ADAM9: variants seen among roughly 807,000 people sequenced by gnomAD.
ADAM9 encodes disintegrin and metalloproteinase domain-containing protein 9.
In ADAM9, 54 loss-of-function variants were observed where a neutral mutation model predicts 108.1. The observed-to-expected ratio is 0.50, with a 90% CI of 0.40 to 0.63. The LOEUF (loss-of-function observed/expected upper bound fraction) is 0.63. Ranked by LOEUF, ADAM9 falls within the 20% of genes least tolerant of loss-of-function variation. The pLI is 0.00. For synonymous variants in ADAM9, 316 were observed against 336.0 expected (o/e 0.94, Z 0.65); for missense variants, 830 against 997.7 (o/e 0.83, Z 2.26).
intron 1 of ADAM9, among the ~76,000 whole-genome samples, chr8:38,997,888 T>C (rs997904585): frequency 5.3e-5 from 8 of 152,252 alleles, no homozygotes; most frequent in African/African-American, 1.9e-4. Context: ...ATTGTAGGAA[T>C]TAAATCATTT....
chr8:39,026,021 G>T, intron 10 of ADAM9, 137 bp downstream of exon 10: 3 of 831,176 alleles, frequency 3.6e-6, no homozygotes, highest in Non-Finnish European at 6.0e-6. Flanking sequence ...GTCGCAGATG[G>T]GTTCTTTCCC....
At position 39,065,659 on chromosome 8, in the gene ADAM9, CAAAAA is replaced by C. The variant is rs33990237; in HGVS notation, c.1592-5620_1592-5616del. Reference sequence around the variant, plus strand: ...TGGGCGACAGTGCGAGGCTACATCTCAAAAAAAAAAAAAAAAAAAAAAAGGACATA... The same window carrying C: ...TGGGCGACAGTGCGAGGCTACATCTCAAAAAAAAAAAAAAAAAAGGACATA... On this transcript the variant is annotated intron_variant, in intron 14 of 21. Coordinates refer to ENST00000487273, the MANE Select transcript of ADAM9 (RefSeq NM_003816.3). 1.7e-3 allele frequency among the ~76,000 whole-genome samples: 125 copies of C among 72,868 alleles called. 1 individual carries two copies. The highest frequency in any genetic ancestry group is 8.8e-4 in the Non-Finnish European group (35 of 39,982). The allele number at this position is 72,868 out of a possible 152,430, so 47.8% of individuals were successfully genotyped here.
chr8:39,017,818 C>T (rs1237555298), intron 6 of ADAM9, among the ~76,000 whole-genome samples: 2 of 152,126 alleles, frequency 1.3e-5, no homozygotes, highest in African/African-American at 2.4e-5. Context: ...GTCTTGAACC[C>T]CTGGTATCAA....
chr8:39,055,183 A>G (rs1188622548), intron 13 of ADAM9, among the ~76,000 whole-genome samples: 2 of 152,178 alleles, frequency 1.3e-5, no homozygotes, highest in Non-Finnish European at 2.9e-5. Flanking sequence ...CAGAATATTC[A>G]TACTAAGTTT....
At position 39,021,623 on chromosome 8, in the gene ADAM9, C is replaced by T. The variant is rs745799287; in HGVS notation, c.673-20C>T. ...TTAAAGTACTTTGGTGATAATGATT[C>T]TCCTTCTTTGCTTTTCCAGTATGAC... On this transcript the variant is annotated intron_variant, in intron 7 of 21. Coordinates refer to ENST00000487273, the MANE Select transcript of ADAM9 (RefSeq NM_003816.3). 68 of 1,607,298 alleles carry T rather than the reference C, an allele frequency of 4.2e-5. No homozygotes were observed. Among genetic ancestry groups the T allele is most frequent in the Admixed American group, 2.0e-4 (12 of 59,988 alleles).
At chr8:39,034,664 A>G (rs1371330835) in intron 11 of ADAM9, among the ~76,000 whole-genome samples, 1 of 152,188 alleles carries the variant, frequency 6.6e-6, no homozygotes, top group Non-Finnish European at 1.5e-5. Context: ...ATCGTAGATC[A>G]TCAGTTATTT....
intron 11 of ADAM9, among the ~76,000 whole-genome samples, chr8:39,034,891 A>G (rs1189721623): frequency 1.3e-5 from 2 of 152,184 alleles, no homozygotes; most frequent in Admixed American, 6.5e-5. Flanking sequence ...TATGTTATGT[A>G]TATATAACAC....
intron 20 of ADAM9, among the ~76,000 whole-genome samples, 188 bp downstream of exon 20, chr8:39,091,534 G>T (rs1300640593): frequency 6.6e-6 from 1 of 152,110 alleles, no homozygotes; most frequent in African/African-American, 2.4e-5. Flanking sequence ...GTTGCCCGGG[G>T]TGGAGTACTG....
chr8:39,069,909 A>G (rs2129441134), intron 14 of ADAM9, among the ~76,000 whole-genome samples: 1 of 151,052 alleles, frequency 6.6e-6, no homozygotes, highest in East Asian at 1.9e-4. Flanking sequence ...CAAAAATGGT[A>G]TCATATTGAC....
chr8:39,043,656 T>TAA (rs1210233393), intron 12 of ADAM9, among the ~76,000 whole-genome samples: 1 of 152,178 alleles, frequency 6.6e-6, no homozygotes, highest in Non-Finnish European at 1.5e-5. Context: ...TTAGGGGATG[T>TAA]AAATGCAGAT....
chr8:39,052,997 G>A (rs995324885), intron 12 of ADAM9, among the ~76,000 whole-genome samples: 5 of 151,988 alleles, frequency 3.3e-5, no homozygotes, highest in East Asian at 1.9e-4. Flanking sequence ...CCAATACTTC[G>A]TGTGGTCAGT....
intron 12 of ADAM9, among the ~76,000 whole-genome samples, chr8:39,049,279 A>G (rs901522046): frequency 1.3e-5 from 2 of 151,892 alleles, no homozygotes; most frequent in African/African-American, 2.4e-5. Flanking sequence ...TAGAGCGTGC[A>G]TAAAATATCT....
chr8:39,071,557 C>A (rs962102755), intron 15 of ADAM9, among the ~76,000 whole-genome samples, 154 bp downstream of exon 15: 1 of 151,376 alleles, frequency 6.6e-6, no homozygotes, highest in Admixed American at 6.6e-5. Context: ...CCCTCCGCCT[C>A]CCAGGTTCAA....
At chr8:39,020,330 T>C (rs1281253095) in intron 7 of ADAM9, among the ~76,000 whole-genome samples, 2 of 152,056 alleles carry the variant, frequency 1.3e-5, no homozygotes, top group African/African-American at 4.8e-5. Context: ...TATATACAGA[T>C]AGAAAATGGT....
At chr8:39,099,087 A>C (rs11784624) in intron 20 of ADAM9, among the ~76,000 whole-genome samples, 62,370 of 151,994 alleles carry the variant, frequency 0.41, 13,577 homozygotes, top group East Asian at 0.72. Flanking sequence ...GCACCAAGGC[A>C]GTATCACCAC....
chr8:39,006,281 G>A (rs1487778875), intron 1 of ADAM9, among the ~76,000 whole-genome samples: 1 of 152,120 alleles, frequency 6.6e-6, no homozygotes, highest in Non-Finnish European at 1.5e-5. Context: ...TGGGTAAAGA[G>A]TTTAAAAGCT....
chr8:39,003,889 G>A (rs954048426), intron 1 of ADAM9, among the ~76,000 whole-genome samples: 1 of 151,920 alleles, frequency 6.6e-6, no homozygotes, highest in Non-Finnish European at 1.5e-5. Flanking sequence ...AAAAAGTTAC[G>A]TATAATCTTC....
chr8:39,017,335 G>A lies in ADAM9; in HGVS notation c.527G>A (p.Gly176Glu). Reference sequence around the variant, plus strand: ...GTCTACAAAGAGCCTCTGAAATGTGGAGTTTCCAACAAGGATATAGAGAAA... The same window carrying A: ...GTCTACAAAGAGCCTCTGAAATGTGAAGTTTCCAACAAGGATATAGAGAAA... ...DDVYKEPLKC[G>E]VSNKDIEKET... Residue 176 changes from glycine to glutamate, a missense_variant, in exon 6 of 22, where the codon GGA becomes GAA. Gly to Glu is a moderately conservative substitution (Grantham distance 98). Transcript: ENST00000487273. 6.2e-7 allele frequency: 1 copy of A among 1,614,082 alleles called. No homozygotes were observed. Among genetic ancestry groups the A allele is most frequent in the East Asian group, 2.2e-5 (1 of 44,860 alleles).
chr8:39,024,564 A>G (rs1449528969), intron 9 of ADAM9, among the ~76,000 whole-genome samples: 1 of 152,124 alleles, frequency 6.6e-6, no homozygotes, highest in Non-Finnish European at 1.5e-5. Context: ...GTTTGGCTGG[A>G]ATGTCCTTGT....
Sources: gnomAD v4.1 joint callset for allele counts (sites outside exome capture counted in the v4.1 genomes callset) on GRCh38, gnomAD v4.1.1 for gene constraint, MANE v1.5 for transcripts, NCBI Gene and HGNC (gene_info 2026-07-23, HGNC 2026-07-21) for gene names.